MTUS1: variants seen among roughly 807,000 people sequenced by gnomAD.
MTUS1 encodes the protein microtubule-associated tumor suppressor 1.
In MTUS1, 109 loss-of-function variants were observed where a neutral mutation model predicts 120.8. The observed-to-expected ratio is 0.90, with a 90% CI of 0.77 to 1.06. The LOEUF (loss-of-function observed/expected upper bound fraction) is 1.06. Among genes scored for constraint, MTUS1 ranks in the 50% least tolerant of loss-of-function variants. MTUS1 has a pLI of 0.00. For synonymous variants in MTUS1, 737 were observed against 550.5 expected, an observed-to-expected ratio of 1.34 and a Z score of -4.74; for missense variants, 2,210 against 1,486.3, an observed-to-expected ratio of 1.49 and a Z score of -8.01.
intron 3 of MTUS1, among the ~76,000 whole-genome samples, chr8:17,742,311 T>TTTTTTTTTTTTTTTTTTTTA (rs1554516969): frequency 7.2e-6 from 1 of 139,538 alleles, no homozygotes; most frequent in African/African-American, 2.6e-5. Flanking sequence ...TTTTTTTTTT[T>TTTTTTTTTTTTTTTTTTTTA]AGAGATAGTG....
chr8:17,788,470 T>G (rs2051494370), intron 1 of MTUS1, among the ~76,000 whole-genome samples: 1 of 152,194 alleles, frequency 6.6e-6, no homozygotes, highest in Non-Finnish European at 1.5e-5. Context: ...CAGAATTTCA[T>G]GTTTTACTGT....
intron 9 of MTUS1, 28 bp downstream of exon 9, chr8:17,655,835 G>C: frequency 6.2e-7 from 1 of 1,608,548 alleles, no homozygotes; most frequent in Non-Finnish European, 8.5e-7. Flanking sequence ...AGAGGCCTCA[G>C]ACAAGCTCTG....
At position 17,755,272 on chromosome 8, in the gene MTUS1, C is replaced by A; in HGVS notation, c.536G>T (p.Gly179Val). ...NCTFISHHAI[G>V]KSQSFHTAGS... ...AGCAGTATGGAAGGACTGACTCTTT[C>A]CGATGGCATGATGTGATATAAAGGT... Residue 179 changes from glycine (G) to valine (V), a missense_variant, in exon 2 of 15, where the codon GGA becomes GTA. Physicochemically the swap from Gly to Val is moderately radical, Grantham distance 109 (BLOSUM62 -3). Transcript: ENST00000693296. 6.2e-7 allele frequency: 1 copy of A among 1,614,180 alleles called. No homozygotes were observed. The highest frequency in any genetic ancestry group is 8.5e-7 in the Non-Finnish European group (1 of 1,180,028).
intron 7 of MTUS1, among the ~76,000 whole-genome samples, chr8:17,682,001 T>C (rs1814622817): frequency 6.6e-6 from 1 of 152,216 alleles, no homozygotes; most frequent in African/African-American, 2.4e-5. Context: ...TCCAAGTGTA[T>C]TGTACACTTA....
At chr8:17,735,536 G>T (rs1039004212) in intron 3 of MTUS1, among the ~76,000 whole-genome samples, 2 of 152,174 alleles carry the variant, frequency 1.3e-5, no homozygotes, top group African/African-American at 4.8e-5. Context: ...GCTGACTCTG[G>T]CCTTGACGTT....
intron 1 of MTUS1, among the ~76,000 whole-genome samples, chr8:17,791,966 T>C (rs1335410191): frequency 6.6e-6 from 1 of 152,176 alleles, no homozygotes; most frequent in Non-Finnish European, 1.5e-5. Context: ...TCCAGCGTCC[T>C]GATGAGCCAA....
chr8:17,673,156 T>G (rs1038463190), intron 8 of MTUS1, among the ~76,000 whole-genome samples: 1 of 152,188 alleles, frequency 6.6e-6, no homozygotes, highest in African/African-American at 2.4e-5. Context: ...CAAGTTGGGT[T>G]GGTCATTTAG....
At chr8:17,783,217 G>C (rs528150653) in intron 1 of MTUS1, among the ~76,000 whole-genome samples, 2 of 152,350 alleles carry the variant, frequency 1.3e-5, no homozygotes, top group East Asian at 1.9e-4. Context: ...ACTGGTCCTA[G>C]CTCTGACAAT....
chr8:17,676,361 C>G (rs1813115434), intron 7 of MTUS1: 1 of 702,726 alleles, frequency 1.4e-6, no homozygotes, highest in Admixed American at 2.0e-5. Context: ...TCCCCCCACC[C>G]CTCGCACTGT....
chr8:17,787,847 C>G (rs1321648017), intron 1 of MTUS1, among the ~76,000 whole-genome samples: 6 of 152,196 alleles, frequency 3.9e-5, no homozygotes, highest in South Asian at 2.1e-4. Context: ...TCTGGCTGGG[C>G]ACAGTGGCTC....
chr8:17,711,361 G>A (rs762376935), intron 6 of MTUS1, among the ~76,000 whole-genome samples: 1 of 152,186 alleles, frequency 6.6e-6, no homozygotes, highest in Non-Finnish European at 1.5e-5. Context: ...ACTCGCTGTA[G>A]CTTCTACATC....
chr8:17,749,130 AG>A (rs1334471473), intron 2 of MTUS1, among the ~76,000 whole-genome samples: 2 of 152,310 alleles, frequency 1.3e-5, no homozygotes, highest in East Asian at 3.9e-4. Context: ...TACTCTCCGA[AG>A]GGTTGGAATT....
intron 6 of MTUS1, among the ~76,000 whole-genome samples, chr8:17,687,475 C>T (rs531735601): frequency 3.9e-5 from 6 of 152,128 alleles, no homozygotes; most frequent in African/African-American, 1.4e-4. Flanking sequence ...CAAACTTTGC[C>T]CTTACCCTTG....
chr8:17,718,269 C>T (rs902899938), intron 4 of MTUS1, among the ~76,000 whole-genome samples: 1 of 152,154 alleles, frequency 6.6e-6, no homozygotes, highest in Admixed American at 6.5e-5. Flanking sequence ...TTTCCCTCAG[C>T]CAGAGTCATT....
chr8:17,695,085 C>G (rs1232470884), intron 6 of MTUS1, among the ~76,000 whole-genome samples: 2 of 152,170 alleles, frequency 1.3e-5, no homozygotes, highest in East Asian at 3.8e-4. Flanking sequence ...GCTGACAGTC[C>G]ATTCAGATAA....
chr8:17,684,389 A>G lies in MTUS1; in HGVS notation c.2777T>C (p.Leu926Pro). ...SGFILQLKQL[L>P]ACGNTKFEAL... is the part of the protein sequence containing the mutation. ...CTCAAACTTGGTATTACCACAGGCA[A>G]GAAGCTGCTTGAGCTGCAGGATAAA... Residue 926 changes from leucine (L) to proline (P), a missense_variant, in exon 7 of 15, where the codon CTT becomes CCT. Leu to Pro is a moderately conservative substitution (Grantham distance 98). Transcript: ENST00000693296. The G allele has an allele frequency of 6.2e-7, 1 of 1,614,236 alleles. No individual in the cohort carries two copies. The highest frequency in any genetic ancestry group is 8.5e-7 in the Non-Finnish European group (1 of 1,180,026).
chr8:17,725,590 C>G (rs1250231290), intron 3 of MTUS1, among the ~76,000 whole-genome samples: 2 of 152,142 alleles, frequency 1.3e-5, no homozygotes, highest in African/African-American at 4.8e-5. Flanking sequence ...CTGTATTGGA[C>G]TCCTAAAATC....
chr8:17,730,393 G>A (rs1483519923), intron 3 of MTUS1, among the ~76,000 whole-genome samples: 2 of 151,766 alleles, frequency 1.3e-5, no homozygotes, highest in Non-Finnish European at 2.9e-5. Context: ...GGTGAGGTAG[G>A]AGAATCACTT....
chr8:17,710,804 A>G (rs1272402884), intron 6 of MTUS1, among the ~76,000 whole-genome samples: 1 of 152,210 alleles, frequency 6.6e-6, no homozygotes, highest in Non-Finnish European at 1.5e-5. Flanking sequence ...CTGAAAGTCA[A>G]AATTACTCCT....
Sources: gnomAD v4.1 joint callset for allele counts (sites outside exome capture counted in the v4.1 genomes callset) on GRCh38, gnomAD v4.1.1 for gene constraint, MANE v1.5 for transcripts, NCBI Gene and HGNC (gene_info 2026-07-23, HGNC 2026-07-21) for gene names.